TACR3: variants seen among roughly 807,000 people sequenced by gnomAD.
TACR3 encodes tachykinin receptor 3.
TACR3 carries 34 observed loss-of-function variants against 35.0 expected under a neutral mutation model. That is an observed-to-expected ratio of 0.97 (90% CI 0.74 to 1.30). The LOEUF is 1.30. Ranked by LOEUF, TACR3 falls within the 50% of genes most tolerant of loss-of-function variation. The pLI is 0.00. For missense variants in TACR3, 558 were observed against 591.7 expected, an observed-to-expected ratio of 0.94 and a Z score of 0.59; for synonymous variants, 233 against 221.1, an observed-to-expected ratio of 1.05 and a Z score of -0.48.
chr4:103,672,025 A>G (rs1327533091), intron 1 of TACR3, among the ~76,000 whole-genome samples: 2 of 152,136 alleles, frequency 1.3e-5, no homozygotes, highest in African/African-American at 2.4e-5. Flanking sequence ...TATTTCAACA[A>G]TGTTCACAGT....
At chr4:103,658,175 G>C in intron 2 of TACR3, 40 bp downstream of exon 2, 1 of 1,592,162 alleles carries the variant, frequency 6.3e-7, no homozygotes. Context: ...CTAAATGTTT[G>C]ATAAACTGAA....
At chr4:103,701,168 A>G (rs1251793246) in intron 1 of TACR3, among the ~76,000 whole-genome samples, 14 of 151,668 alleles carry the variant, frequency 9.2e-5, no homozygotes, top group African/African-American at 2.4e-4. Flanking sequence ...TCAGCCCAAA[A>G]TCTCCTCAAG....
At chr4:103,680,510 C>CATATATATATATATAT in intron 1 of TACR3, among the ~76,000 whole-genome samples, 1 of 127,456 alleles carries the variant, frequency 7.8e-6, no homozygotes, top group African/African-American at 3.6e-5. Context: ...CACACACACA[C>CATATATATATATATAT]ACATATATAT....
intron 1 of TACR3, among the ~76,000 whole-genome samples, chr4:103,711,219 T>A (rs915542024): frequency 3.3e-5 from 5 of 152,178 alleles, no homozygotes; most frequent in African/African-American, 1.2e-4. Context: ...ATATCCCTGA[T>A]GAACATTGAT....
chr4:103,690,511 C>T (rs1400906478), intron 1 of TACR3, among the ~76,000 whole-genome samples: 5 of 151,926 alleles, frequency 3.3e-5, no homozygotes, highest in Non-Finnish European at 5.9e-5. Context: ...AAAAACAGAA[C>T]AAAAGGGAAA....
intron 3 of TACR3, among the ~76,000 whole-genome samples, chr4:103,627,581 C>G (rs1030744930): frequency 6.6e-6 from 1 of 151,988 alleles, no homozygotes; most frequent in African/African-American, 2.4e-5. Context: ...ATCAATTCAT[C>G]AAGAAGAGCT....
chr4:103,719,961 GCTGCCCGGCA>G lies in TACR3; in HGVS notation c.-296_-287del. The stretch of plus-strand genomic sequence containing the variant: ...CACATCACACGTAGGGAGGGTGCCA[GCTGCCCGGCA>G]CAGGCTGGAGAACTGAGCGTCCTGC... On this transcript the variant is annotated 5_prime_UTR_variant, in exon 1 of 5. Coordinates refer to ENST00000304883, the MANE Select transcript of TACR3 (RefSeq NM_001059.3). 1 of 539,630 alleles carries G rather than the reference GCTGCCCGGCA, an allele frequency of 1.9e-6. No homozygotes were observed. The highest frequency in any genetic ancestry group is 2.5e-5 in the South Asian group (1 of 40,666). The allele number at this position is 539,630 out of a possible 1,614,324, so 33.4% of individuals were successfully genotyped here.
At chr4:103,705,821 G>T (rs1722775248) in intron 1 of TACR3, among the ~76,000 whole-genome samples, 1 of 152,166 alleles carries the variant, frequency 6.6e-6, no homozygotes, top group Non-Finnish European at 1.5e-5. Flanking sequence ...GATCTGAGTG[G>T]TTGAAACAGA....
intron 3 of TACR3, among the ~76,000 whole-genome samples, chr4:103,631,267 G>A (rs1156372463): frequency 6.6e-6 from 1 of 151,954 alleles, no homozygotes; most frequent in Non-Finnish European, 1.5e-5. Flanking sequence ...CATGATACAT[G>A]TATACCTGTG....
intron 3 of TACR3, among the ~76,000 whole-genome samples, chr4:103,638,842 C>G (rs1171155750): frequency 2.6e-5 from 4 of 152,104 alleles, no homozygotes; most frequent in Non-Finnish European, 2.9e-5. Flanking sequence ...TGAAAAAATG[C>G]TCATCATCAC....
intron 3 of TACR3, among the ~76,000 whole-genome samples, chr4:103,622,270 G>A (rs1370809553): frequency 6.6e-6 from 1 of 152,198 alleles, no homozygotes; most frequent in African/African-American, 2.4e-5. Context: ...AAGAGAAGCA[G>A]GCAAAGAGAT....
chr4:103,601,248 T>G (rs907275510), intron 3 of TACR3, among the ~76,000 whole-genome samples: 5 of 152,160 alleles, frequency 3.3e-5, no homozygotes, highest in Non-Finnish European at 7.3e-5. Flanking sequence ...TGGTAGATTT[T>G]CCTCCATCCC....
At chr4:103,595,769 C>A (rs138417280) in intron 3 of TACR3, among the ~76,000 whole-genome samples, 2,450 of 150,756 alleles carry the variant, frequency 0.016, 54 homozygotes, top group African/African-American at 0.057. Flanking sequence ...TATTATTATA[C>A]TTTAAGTTTT....
At chr4:103,614,253 T>C (rs1033523780) in intron 3 of TACR3, among the ~76,000 whole-genome samples, 23 of 152,328 alleles carry the variant, frequency 1.5e-4, no homozygotes, top group Non-Finnish European at 8.8e-5. Context: ...TTTCTCTCTC[T>C]GGTAATCATC....
chr4:103,607,038 T>C (rs1724389568), intron 3 of TACR3, among the ~76,000 whole-genome samples: 2 of 152,170 alleles, frequency 1.3e-5, no homozygotes, highest in African/African-American at 4.8e-5. Flanking sequence ...TGAAGGGTTG[T>C]TGAATTTTGG....
At chr4:103,614,936 C>T (rs1724607204) in intron 3 of TACR3, among the ~76,000 whole-genome samples, 1 of 119,678 alleles carries the variant, frequency 8.4e-6, no homozygotes, top group South Asian at 2.7e-4. Flanking sequence ...GCTCTGTCAC[C>T]CAGTCTGGAG....
chr4:103,636,714 G>C (rs961528316), intron 3 of TACR3, among the ~76,000 whole-genome samples: 5 of 151,900 alleles, frequency 3.3e-5, no homozygotes, highest in Non-Finnish European at 7.4e-5. Flanking sequence ...GAAGAAAAGA[G>C]AGAAGAATCA....
At chr4:103,697,925 C>A (rs1302068226) in intron 1 of TACR3, among the ~76,000 whole-genome samples, 1 of 152,128 alleles carries the variant, frequency 6.6e-6, no homozygotes, top group Non-Finnish European at 1.5e-5. Context: ...TTAAAGGTTT[C>A]ATCAGCACTT....
chr4:103,608,806 G>A (rs1280259121), intron 3 of TACR3, among the ~76,000 whole-genome samples: 1 of 151,992 alleles, frequency 6.6e-6, no homozygotes, highest in African/African-American at 2.4e-5. Context: ...ATTGTAGAGA[G>A]TATATCAAAT....
Sources: gnomAD v4.1 joint callset for allele counts (sites outside exome capture counted in the v4.1 genomes callset) on GRCh38, gnomAD v4.1.1 for gene constraint, MANE v1.5 for transcripts, NCBI Gene and HGNC (gene_info 2026-07-23, HGNC 2026-07-21) for gene names.